PWP1: variants seen among roughly 807,000 people sequenced by gnomAD.
PWP1 encodes the protein PWP1 homolog, endonuclein, also known as periodic tryptophan protein 1 homolog.
PWP1 carries 47 observed loss-of-function variants against 69.9 expected under a neutral mutation model. The observed-to-expected ratio is 0.67, with a 90% CI of 0.53 to 0.86. The LOEUF is 0.86. Ranked by LOEUF, PWP1 falls within the 40% of genes least tolerant of loss-of-function variation. The pLI is 0.00. For synonymous variants in PWP1, 222 were observed against 208.2 expected (o/e 1.07, Z -0.57); for missense variants, 551 against 608.8 (o/e 0.91, Z 1.00).
In PWP1 at chr12:107,705,372, G is replaced by GT. The variant is rs549542883; in HGVS notation, c.1077+640dup. Among the ~76,000 whole-genome samples, 443 of 141,002 alleles carry GT rather than the reference G, an allele frequency of 3.1e-3. 1 individual carries two copies. Among genetic ancestry groups the GT allele is most frequent in the Middle Eastern group, 3.6e-3 (1 of 276 alleles). The allele number at this position is 141,002 out of a possible 152,430, so 92.5% of individuals were successfully genotyped here. ...TAGTGCTTTGCAAAGGTGAGAAAGA[G>GT]TTTTTTTTTTTTTTTAAATTTAAGT... is the stretch of plus-strand genomic sequence containing the variant. On this transcript the variant is annotated intron_variant, in intron 11 of 14. Transcript: ENST00000412830.
chr12:107,708,795 T>A (rs1889879314), intron 11 of PWP1, 131 bp from the exon 12 acceptor site: 4 of 821,550 alleles, frequency 4.9e-6, no homozygotes, highest in Non-Finnish European at 7.6e-6. Context: ...GTAAATGATT[T>A]CTGTCCATGT....
Position 107,692,854 on chromosome 12 carries a change from C to A in PWP1, c.360C>A (p.Val120=). Residue 120 remains valine (V), a synonymous_variant, in exon 4 of 15, where the codon GTC becomes GTA. Coordinates refer to ENST00000412830, the MANE Select transcript of PWP1 (RefSeq NM_007062.3). The part of the protein sequence containing the change: ...TLGESLLGLT[V]YGSNDQDPYV... ...GTGAATCTCTCTTGGGTCTTACGGT[C>A]TACGGGAGTAATGATCAAGATCCTT... The A allele has an allele frequency of 6.2e-7, 1 of 1,613,970 alleles. No homozygotes were observed. The highest frequency in any genetic ancestry group is 1.1e-5 in the South Asian group (1 of 91,050).
Position 107,712,333 on chromosome 12 carries a change from T to G in PWP1, c.*113T>G. The G allele has an allele frequency of 1.4e-6, 1 of 734,778 alleles. No individual in the cohort carries two copies. The highest frequency in any genetic ancestry group is 2.4e-5 in the Admixed American group (1 of 42,076). 45.5% of individuals were successfully genotyped at this position (734,778 alleles called of 1,614,324 possible). A position where few individuals can be genotyped will look rare whatever the true frequency, so the allele number is the denominator to read the frequency against. On this transcript the variant is annotated 3_prime_UTR_variant, in exon 15 of 15. Transcript: ENST00000412830. ...GAGTGACTGAAACACAATTCATTTCTGACTGACATTCCTTTCTGCAACTGC... is the reference window on the plus strand; with the variant it reads ...GAGTGACTGAAACACAATTCATTTCGGACTGACATTCCTTTCTGCAACTGC...
At chr12:107,701,809 C>T (rs1889716394) in intron 8 of PWP1, among the ~76,000 whole-genome samples, 1 of 152,176 alleles carries the variant, frequency 6.6e-6, no homozygotes, top group Non-Finnish European at 1.5e-5. Flanking sequence ...TCCTGAGTAG[C>T]TGGGATTACT....
intron 8 of PWP1, among the ~76,000 whole-genome samples, chr12:107,701,095 G>A (rs1485645877): frequency 1.3e-5 from 2 of 152,122 alleles, no homozygotes; most frequent in African/African-American, 4.8e-5. Context: ...GGCCATTTGT[G>A]TATCTTCTTT....
intron 1 of PWP1, among the ~76,000 whole-genome samples, chr12:107,686,822 C>G (rs1426795832): frequency 6.6e-6 from 1 of 151,734 alleles, no homozygotes; most frequent in African/African-American, 2.4e-5. Flanking sequence ...AAAAATTAGC[C>G]GGGTGTGGTG....
chr12:107,698,134 G>A (rs1566079393), intron 7 of PWP1, among the ~76,000 whole-genome samples: 1 of 152,176 alleles, frequency 6.6e-6, no homozygotes, highest in Non-Finnish European at 1.5e-5. Flanking sequence ...GGCTGAGGCG[G>A]GTGGATCACC....
intron 3 of PWP1, among the ~76,000 whole-genome samples, chr12:107,690,749 C>G (rs773199766): frequency 2.6e-5 from 4 of 151,956 alleles, no homozygotes; most frequent in Non-Finnish European, 4.4e-5. Flanking sequence ...GAGGGAGAGT[C>G]GAAAATGACA....
In PWP1 at chr12:107,704,709, A is replaced by G; in HGVS notation, c.1039A>G (p.Arg347Gly). ...GTGGCGATTCAGTGGGCAGATAGAG[A>G]GAGTGACTTGGAATCACTTTTCACC... ...RMWRFSGQIE[R>G]VTWNHFSPCH... Residue 347 changes from arginine to glycine, a missense_variant, in exon 11 of 15, where the codon AGA (arginine) becomes GGA (glycine). Transcript: ENST00000412830. 6.2e-7 allele frequency: 1 copy of G among 1,613,964 alleles called. No individual in the cohort carries two copies. The highest frequency in any genetic ancestry group is 8.5e-7 in the Non-Finnish European group (1 of 1,179,884).
intron 11 of PWP1, among the ~76,000 whole-genome samples, chr12:107,707,008 A>G (rs7398797): frequency 0.62 from 94,038 of 151,522 alleles, 29,800 homozygotes; most frequent in East Asian, 0.72. Flanking sequence ...CTATTTTCAC[A>G]ATATTGATTC....
chr12:107,696,719 G>C, intron 6 of PWP1, 135 bp downstream of exon 6: 1 of 1,388,534 alleles, frequency 7.2e-7, no homozygotes, highest in Middle Eastern at 2.5e-4. Context: ...ATTTTATGAA[G>C]TTATAGAGTT....
Position 107,704,887 on chromosome 12 carries a change from G to GT in PWP1, c.1077+149dup, listed in dbSNP as rs773027565. ...GGGTTTAGGGTTGAAAGCATAAGGTGTTTTTTTTTAAATAAGAGAACGGCT... is the reference window on the plus strand; with the variant it reads ...GGGTTTAGGGTTGAAAGCATAAGGTGTTTTTTTTTTAAATAAGAGAACGGCT... On this transcript the variant is annotated intron_variant, in intron 11 of 14. Transcript: ENST00000412830. The GT allele has an allele frequency of 1.1e-3, 644 of 578,530 alleles. 2 individuals carry two copies. Among genetic ancestry groups the GT allele is most frequent in the South Asian group, 1.5e-3 (50 of 33,502 alleles). The allele number at this position is 578,530 out of a possible 1,614,324, so 35.8% of individuals were successfully genotyped here. A position where few individuals can be genotyped will look rare whatever the true frequency, so the allele number is the denominator to read the frequency against.
At chr12:107,697,200 A>G (rs1483672704) in intron 6 of PWP1, among the ~76,000 whole-genome samples, 2 of 152,210 alleles carry the variant, frequency 1.3e-5, no homozygotes, top group African/African-American at 4.8e-5. Flanking sequence ...ACTGGGGCCA[A>G]GAGATTGAGC....
In PWP1 at chr12:107,704,698, G is replaced by C; in HGVS notation, c.1028G>C (p.Gly343Ala). The C allele has an allele frequency of 6.2e-7, 1 of 1,613,990 alleles. No homozygotes were observed. Among genetic ancestry groups the C allele is most frequent in the African/African-American group, 1.3e-5 (1 of 75,024 alleles). ...DESHRMWRFS[G>A]QIERVTWNHF... ...AGCCATCGAATGTGGCGATTCAGTG[G>C]GCAGATAGAGAGAGTGACTTGGAAT... is the stretch of plus-strand genomic sequence containing the variant. Residue 343 changes from glycine (G) to alanine (A), a missense_variant, in exon 11 of 15, where the codon GGG (glycine) becomes GCG (alanine). Physicochemically the swap from Gly to Ala is moderately conservative, Grantham distance 60 (BLOSUM62 0). Transcript: ENST00000412830.
At chr12:107,709,089 G>A in intron 12 of PWP1, 22 bp from the exon 13 acceptor site, 2 of 1,613,822 alleles carry the variant, frequency 1.2e-6, no homozygotes, top group East Asian at 2.2e-5. Flanking sequence ...AAGCGAAAGT[G>A]TCTAAACTTA....
chr12:107,695,347 A>G (rs1889562528), intron 5 of PWP1, among the ~76,000 whole-genome samples: 1 of 152,230 alleles, frequency 6.6e-6, no homozygotes, highest in African/African-American at 2.4e-5. Flanking sequence ...GTAGAACCAC[A>G]GTCTAATAAT....
Position 107,697,512 on chromosome 12 carries a change from G to A in PWP1, c.659G>A (p.Trp220Ter). 1 of 1,607,394 alleles carries A rather than the reference G, an allele frequency of 6.2e-7. No homozygotes were observed. The change falls in exon 7 of 15, where the codon TGG becomes TAG. Residue 220 changes from tryptophan (W) to a stop codon, truncating the protein, a stop_gained. Coordinates refer to ENST00000412830, the MANE Select transcript of PWP1 (RefSeq NM_007062.3). LOFTEE classifies it high-confidence loss of function. ...AACATGACCCCTGTTATTGAAGTGT[G>A]GGACCTTGATATAGTGGACTCTTTA... is the stretch of plus-strand genomic sequence containing the variant. ...VGNMTPVIEV[W>*]DLDIVDSLEP...
chr12:107,690,900 G>C (rs955266457), intron 3 of PWP1, among the ~76,000 whole-genome samples: 16 of 152,200 alleles, frequency 1.1e-4, no homozygotes, highest in African/African-American at 3.6e-4. Flanking sequence ...TGAGCACTGT[G>C]GGGTATCTGG....
chr12:107,685,822 G>GC lies in PWP1; in HGVS notation c.-77dup, dbSNP rs1889350392. The GC allele has an allele frequency of 6.7e-7, 1 of 1,497,004 alleles. No homozygotes were observed. The highest frequency in any genetic ancestry group is 1.1e-5 in the South Asian group (1 of 88,296). 92.7% of individuals were successfully genotyped at this position (1,497,004 alleles called of 1,614,324 possible). ...GCAGCGGCCCTGTGCAGATCCCTGAGCGTGTGGCAGCAGTGCGGTCGTGGT... is the reference window on the plus strand; with the variant it reads ...GCAGCGGCCCTGTGCAGATCCCTGAGCCGTGTGGCAGCAGTGCGGTCGTGGT... On this transcript the variant is annotated 5_prime_UTR_variant, in exon 1 of 15. Coordinates refer to ENST00000412830, the MANE Select transcript of PWP1 (RefSeq NM_007062.3).
Sources: allele counts gnomAD v4.1 joint callset (sites outside exome capture counted in the v4.1 genomes callset), GRCh38; gene constraint gnomAD v4.1.1; transcripts MANE v1.5; gene names NCBI Gene and HGNC (gene_info 2026-07-23, HGNC 2026-07-21).